Variants in DLGAP4 observed in about 807,000 individuals in gnomAD.
The protein encoded by DLGAP4 is DLG associated protein 4, also known as disks large-associated protein 4.
Under a neutral mutation model 86.9 loss-of-function variants are expected in DLGAP4, and 18 were observed. The ratio of observed to expected loss-of-function variants is 0.21; its 90% CI spans 0.14 to 0.31. The LOEUF (loss-of-function observed/expected upper bound fraction) is 0.31. Among genes scored for constraint, DLGAP4 ranks in the 10% least tolerant of loss-of-function variants. The pLI, the probability that DLGAP4 is intolerant of heterozygous loss-of-function variation, is 1.00. For missense variants in DLGAP4, 1,085 were observed against 1,362.6 expected, an observed-to-expected ratio of 0.80 and a Z score of 3.21; for synonymous variants, 548 against 574.3, an observed-to-expected ratio of 0.95 and a Z score of 0.65.
chr20:36,438,801 C>T (rs542164279), intron 4 of DLGAP4, among the ~76,000 whole-genome samples: 16 of 150,660 alleles, frequency 1.1e-4, no homozygotes, highest in Admixed American at 2.0e-4. Flanking sequence ...CTCCACCTCC[C>T]GGGTTCAAGC....
chr20:36,429,967 C>T (rs2033084392), intron 2 of DLGAP4, among the ~76,000 whole-genome samples: 1 of 152,202 alleles, frequency 6.6e-6, no homozygotes, highest in African/African-American at 2.4e-5. Context: ...TTGCTCTGCT[C>T]CAGCCACACT....
intron 1 of DLGAP4, among the ~76,000 whole-genome samples, chr20:36,331,937 TG>T (rs2065272554): frequency 1.4e-5 from 2 of 146,978 alleles, no homozygotes; most frequent in Admixed American, 1.4e-4. Context: ...GGGGAGGTTG[TG>T]CTGGCGGACA....
chr20:36,487,502 C>G lies in DLGAP4; in HGVS notation c.1649-9203C>G, dbSNP rs532331383. 4.6e-5 allele frequency among the ~76,000 whole-genome samples: 7 copies of G among 152,280 alleles called. No individual in the cohort carries two copies. The East Asian group carries it at 1.4e-3, about 29-fold the overall frequency. On this transcript the variant is annotated intron_variant, in intron 7 of 12. Transcript: ENST00000339266. ...TGAGAGGAGGCAGCCTTCCTTGGAT[C>G]TCCTTTCCTCAATCCCTATCCTCCC...
At chr20:36,415,574 T>G (rs548641589) in intron 2 of DLGAP4, among the ~76,000 whole-genome samples, 1 of 152,172 alleles carries the variant, frequency 6.6e-6, no homozygotes, top group African/African-American at 2.4e-5. Flanking sequence ...CTGAGAACCA[T>G]CTGTCTGTGT....
intron 1 of DLGAP4, among the ~76,000 whole-genome samples, chr20:36,315,010 TGCGTGTGTGGTG>T (rs1225309093): frequency 4.7e-4 from 2 of 4,226 alleles, no homozygotes; most frequent in African/African-American, 8.8e-4. Context: ...GTGTGTGTGG[TGCGTGTGTGGTG>T]GTGTGAGATG....
chr20:36,511,032 A>G (rs2036665400), intron 10 of DLGAP4: 2 of 152,186 alleles, frequency 1.3e-5, no homozygotes, highest in Non-Finnish European at 2.9e-5. Flanking sequence ...TGGGATGAAA[A>G]CTGGAAGTAG....
At chr20:36,455,048 G>C (rs142555785) in intron 7 of DLGAP4, among the ~76,000 whole-genome samples, 1 of 152,304 alleles carries the variant, frequency 6.6e-6, no homozygotes, top group Non-Finnish European at 1.5e-5. Flanking sequence ...CTATCTAGGA[G>C]GGGGCTTGGG....
chr20:36,367,506 C>T (rs977583785), intron 2 of DLGAP4, among the ~76,000 whole-genome samples: 11 of 152,192 alleles, frequency 7.2e-5, no homozygotes, highest in Admixed American at 2.0e-4. Context: ...AGGAGTCAGC[C>T]TCAGAGAGGG....
chr20:36,451,571 G>A (rs946412368), intron 7 of DLGAP4, among the ~76,000 whole-genome samples: 8 of 151,768 alleles, frequency 5.3e-5, no homozygotes, highest in South Asian at 2.1e-4. Flanking sequence ...GGCTAGTGTC[G>A]AACTCCTGAC....
chr20:36,459,800 T>C (rs1003462526), intron 7 of DLGAP4, among the ~76,000 whole-genome samples: 2 of 152,170 alleles, frequency 1.3e-5, no homozygotes, highest in African/African-American at 4.8e-5. Flanking sequence ...AGAGACGGGA[T>C]TTCTCCATAT....
chr20:36,481,152 C>G (rs2035170201), intron 7 of DLGAP4, among the ~76,000 whole-genome samples: 1 of 152,190 alleles, frequency 6.6e-6, no homozygotes, highest in South Asian at 2.1e-4. Context: ...AGTTTCCTCC[C>G]TGGCATCCAT....
At chr20:36,481,323 G>T (rs1347290043) in intron 7 of DLGAP4, among the ~76,000 whole-genome samples, 2 of 152,144 alleles carry the variant, frequency 1.3e-5, no homozygotes, top group African/African-American at 2.4e-5. Flanking sequence ...ACCCTCTGGG[G>T]CTACATGTGT....
At chr20:36,466,691 A>T (rs768228715) in intron 7 of DLGAP4, among the ~76,000 whole-genome samples, 3 of 152,254 alleles carry the variant, frequency 2.0e-5, no homozygotes, top group Non-Finnish European at 2.9e-5. Context: ...GCCACATTCT[A>T]GAGCTAAAAC....
chr20:36,382,319 A>G (rs1310661880), intron 2 of DLGAP4, among the ~76,000 whole-genome samples: 1 of 151,822 alleles, frequency 6.6e-6, no homozygotes, highest in African/African-American at 2.4e-5. Flanking sequence ...ACCTGGGCTC[A>G]AATAATCCGG....
intron 2 of DLGAP4, among the ~76,000 whole-genome samples, chr20:36,400,211 T>G (rs1381930103): frequency 1.3e-5 from 2 of 152,264 alleles, no homozygotes; most frequent in Non-Finnish European, 2.9e-5. Flanking sequence ...GTGCTTCTTC[T>G]GTTGGTTCAG....
chr20:36,333,905 C>A (rs1177139747), intron 1 of DLGAP4, among the ~76,000 whole-genome samples: 1 of 152,242 alleles, frequency 6.6e-6, no homozygotes, highest in Non-Finnish European at 1.5e-5. Context: ...ACTCATGGGA[C>A]CTGCCTTTAG....
At chr20:36,398,899 C>T (rs2032074415) in intron 2 of DLGAP4, among the ~76,000 whole-genome samples, 1 of 152,118 alleles carries the variant, frequency 6.6e-6, no homozygotes, top group Non-Finnish European at 1.5e-5. Context: ...TTACCTAATA[C>T]ACAGCAAGGC....
intron 7 of DLGAP4, among the ~76,000 whole-genome samples, chr20:36,489,732 AG>A (rs2035576484): frequency 6.6e-6 from 1 of 151,148 alleles, no homozygotes; most frequent in Admixed American, 6.6e-5. Flanking sequence ...TAAGGATGGG[AG>A]GGGCCTGGCT....
chr20:36,487,649 A>C (rs189019798), intron 7 of DLGAP4, among the ~76,000 whole-genome samples: 1 of 152,272 alleles, frequency 6.6e-6, no homozygotes, highest in Admixed American at 6.5e-5. Flanking sequence ...TTCACCAGAA[A>C]GCTCTGTATT....
Sources: gnomAD v4.1 joint callset for allele counts (sites outside exome capture counted in the v4.1 genomes callset) on GRCh38, gnomAD v4.1.1 for gene constraint, MANE v1.5 for transcripts, NCBI Gene and HGNC (gene_info 2026-07-23, HGNC 2026-07-21) for gene names.